The following BRD4 variants were observed in gnomAD, a reference collection of about 807,000 sequenced individuals.
BRD4 encodes the protein bromodomain containing 4.
A neutral mutation model predicts 142.1 loss-of-function variants in BRD4; 16 were observed. That is an observed-to-expected ratio of 0.11 (90% CI 0.08 to 0.17). The LOEUF (loss-of-function observed/expected upper bound fraction) is 0.17, where lower values mean the gene tolerates loss of function less well. Ranked by LOEUF, BRD4 falls within the 10% of genes least tolerant of loss-of-function variation. The pLI is 1.00. For synonymous variants in BRD4, 833 were observed against 707.5 expected (o/e 1.18, Z -2.82); for missense variants, 1,424 against 1,810.9 (o/e 0.79, Z 3.88).
intron 2 of BRD4, among the ~76,000 whole-genome samples, chr19:15,270,804 C>T (rs2145618407): frequency 6.6e-6 from 1 of 152,276 alleles, no homozygotes; most frequent in Non-Finnish European, 1.5e-5. Flanking sequence ...TGCTCCTGAT[C>T]AAGCATCCCC....
At position 15,243,303 on chromosome 19, in the gene BRD4, G is replaced by A. The variant is rs943709449; in HGVS notation, c.2766C>T (p.Pro922=). 2.0e-6 allele frequency: 3 copies of A among 1,494,634 alleles called. No individual in the cohort carries two copies. The highest frequency in any genetic ancestry group is 1.4e-5 in the African/African-American group (1 of 69,784). 92.6% of individuals were successfully genotyped at this position (1,494,634 alleles called of 1,614,324 possible). A position where few individuals can be genotyped will look rare whatever the true frequency, so the allele number is the denominator to read the frequency against. ...ACAGCTGCATCTGCATGGAGGTGAGGGGTGGGGCAGGTGGCTCTTCATCCT... is the reference window on the plus strand; with the variant it reads ...ACAGCTGCATCTGCATGGAGGTGAGAGGTGGGGCAGGTGGCTCTTCATCCT... The part of the protein sequence containing the change: ...LLEDEEPPAP[P]LTSMQMQLYL... The change falls in exon 14 of 20, where the codon CCC becomes CCT. Residue 922 remains proline, a synonymous_variant. Coordinates refer to ENST00000679869, the MANE Select transcript of BRD4 (RefSeq NM_001379291.1).
chr19:15,315,672 A>G (rs552638345), intron 1 of BRD4, among the ~76,000 whole-genome samples: 24 of 152,110 alleles, frequency 1.6e-4, no homozygotes, highest in Non-Finnish European at 2.6e-4. Flanking sequence ...CTGAAAATAT[A>G]GTGAAGCCTC....
At chr19:15,313,675 C>CA (rs34202908) in intron 1 of BRD4, among the ~76,000 whole-genome samples, 16 of 152,104 alleles carry the variant, frequency 1.1e-4, no homozygotes, top group South Asian at 2.1e-4. Flanking sequence ...AACTCCATCT[C>CA]AAAAAAAGTG....
chr19:15,327,869 G>A (rs1201582713), intron 1 of BRD4, among the ~76,000 whole-genome samples: 1 of 145,144 alleles, frequency 6.9e-6, no homozygotes, highest in Non-Finnish European at 1.5e-5. Flanking sequence ...GGGCAAAAGT[G>A]GCGGGGGGTG....
intron 1 of BRD4, among the ~76,000 whole-genome samples, chr19:15,277,367 G>A (rs528742328): frequency 2.6e-5 from 4 of 152,240 alleles, no homozygotes; most frequent in African/African-American, 9.6e-5. Flanking sequence ...GGGATGTCAT[G>A]GTAAACTCAG....
intron 1 of BRD4, among the ~76,000 whole-genome samples, chr19:15,321,210 C>CGAGA (rs770780749): frequency 6.7e-6 from 1 of 149,020 alleles, no homozygotes; most frequent in Admixed American, 6.8e-5. Context: ...GGCGAAAGAG[C>CGAGA]GAGACTCCAT....
chr19:15,297,463 T>C (rs1467134450), intron 1 of BRD4, among the ~76,000 whole-genome samples: 2 of 152,196 alleles, frequency 1.3e-5, no homozygotes, highest in East Asian at 3.8e-4. Context: ...AAACCCTGGC[T>C]TCACAGAGTT....
rs931006335 is a variant in BRD4, at chr19:15,236,612, G to A, written c.*1765C>T. On this transcript the variant is annotated 3_prime_UTR_variant, in exon 20 of 20. Transcript: ENST00000679869. ...GAGCACACCCTCCACCTCAGCCAGG[G>A]TCCACAAGGATGGGTACCGGGCTCT... The A allele has an allele frequency of 6.4e-6, 1 of 156,116 alleles. No individual in the cohort carries two copies. Among genetic ancestry groups the A allele is most frequent in the African/African-American group, 2.4e-5 (1 of 41,432 alleles). 9.7% of individuals were successfully genotyped at this position (156,116 alleles called of 1,614,324 possible). A position where few individuals can be genotyped will look rare whatever the true frequency, so the allele number is the denominator to read the frequency against.
chr19:15,248,773 G>C (rs994788287), intron 11 of BRD4: 6 of 238,410 alleles, frequency 2.5e-5, no homozygotes, highest in African/African-American at 1.3e-4. Context: ...ATCTAGGACA[G>C]CTCTAGAGGT....
chr19:15,259,430 C>T (rs1478209905), intron 7 of BRD4, among the ~76,000 whole-genome samples: 1 of 152,242 alleles, frequency 6.6e-6, no homozygotes, highest in Non-Finnish European at 1.5e-5. Flanking sequence ...GTGGCATTCA[C>T]TCTGAGGCCT....
At chr19:15,294,196 T>C (rs755053179) in intron 1 of BRD4, among the ~76,000 whole-genome samples, 6 of 152,276 alleles carry the variant, frequency 3.9e-5, no homozygotes, top group Non-Finnish European at 7.3e-5. Flanking sequence ...TAAACATTTC[T>C]GTGTTGAGCA....
intron 1 of BRD4, among the ~76,000 whole-genome samples, chr19:15,282,004 C>T (rs1409620009): frequency 1.3e-5 from 2 of 151,632 alleles, no homozygotes; most frequent in Admixed American, 1.3e-4. Context: ...GGCAACAGAG[C>T]GAGACTCCAT....
chr19:15,296,883 T>C (rs2047827268), intron 1 of BRD4, among the ~76,000 whole-genome samples: 1 of 152,152 alleles, frequency 6.6e-6, no homozygotes, highest in African/African-American at 2.4e-5. Context: ...ATATAACCCT[T>C]TCTGCCCACC....
Position 15,238,976 on chromosome 19 carries a change from G to T in BRD4, c.3787C>A (p.Arg1263=), listed in dbSNP as rs771511153. 2.5e-6 allele frequency: 4 copies of T among 1,584,492 alleles called. No homozygotes were observed. Among genetic ancestry groups the T allele is most frequent in the Non-Finnish European group, 3.4e-6 (4 of 1,166,988 alleles). ...TGCTCCAGCGCATCCTCGTCCTCTC[G>T]GCTCCTGGGCAGAGGGTCCCAGTCA... ...ERLRQERMRS[R]EDEDALEQAR... is the part of the protein sequence containing the mutation. The change falls in exon 19 of 20, where the codon CGA becomes AGA. Residue 1263 remains arginine (R), a synonymous_variant. Coordinates refer to ENST00000679869, the MANE Select transcript of BRD4 (RefSeq NM_001379291.1). The surrounding 1 kb of genome is among the most constrained non-coding windows in gnomAD (Gnocchi z 7.2).
At chr19:15,260,633 G>A (rs961280850) in intron 7 of BRD4, among the ~76,000 whole-genome samples, 1 of 152,042 alleles carries the variant, frequency 6.6e-6, no homozygotes, top group Non-Finnish European at 1.5e-5. Context: ...GCCTGCACTA[G>A]GCCCCCTTGA....
intron 1 of BRD4, among the ~76,000 whole-genome samples, chr19:15,294,163 A>G (rs2047805297): frequency 6.6e-6 from 1 of 152,270 alleles, no homozygotes; most frequent in Non-Finnish European, 1.5e-5. Context: ...CGCAAATGTA[A>G]TGATTTTCTC....
intron 4 of BRD4, among the ~76,000 whole-genome samples, chr19:15,267,167 T>C (rs1227526484): frequency 3.3e-5 from 5 of 152,160 alleles, no homozygotes; most frequent in African/African-American, 9.7e-5. Context: ...ACACTTTCCT[T>C]TTACCCTAAG....
intron 1 of BRD4, among the ~76,000 whole-genome samples, chr19:15,329,511 C>A (rs2048138690): frequency 6.6e-6 from 1 of 152,102 alleles, no homozygotes; most frequent in African/African-American, 2.4e-5. Flanking sequence ...GAGGCCGAGG[C>A]TGGCGGATCA....
At chr19:15,315,779 C>T (rs760777479) in intron 1 of BRD4, among the ~76,000 whole-genome samples, 1 of 151,128 alleles carries the variant, frequency 6.6e-6, no homozygotes, top group African/African-American at 2.4e-5. Context: ...TCACTTGAAC[C>T]CGGGAGGTGG....
Sources: allele counts gnomAD v4.1 joint callset (sites outside exome capture counted in the v4.1 genomes callset), GRCh38; gene constraint gnomAD v4.1.1; non-coding constraint Gnocchi (gnomAD v3.1); transcripts MANE v1.5; gene names NCBI Gene and HGNC (gene_info 2026-07-23, HGNC 2026-07-21).